Variants in NCAM2 observed in about 807,000 individuals in gnomAD.
NCAM2 encodes neural cell adhesion molecule 2.
In NCAM2, 30 loss-of-function variants were observed where a neutral mutation model predicts 98.1. That is an observed-to-expected ratio of 0.31 (90% confidence interval 0.23 to 0.41). NCAM2 has a LOEUF of 0.41. Ranked by LOEUF, NCAM2 falls within the 10% of genes least tolerant of loss-of-function variation. The pLI is 1.00. For synonymous variants in NCAM2, 368 were observed against 342.4 expected (o/e 1.07, Z -0.83); for missense variants, 867 against 1,005.8 (o/e 0.86, Z 1.87).
intron 8 of NCAM2, among the ~76,000 whole-genome samples, chr21:21,341,989 G>T (rs2075054773): frequency 6.6e-6 from 1 of 152,088 alleles, no homozygotes; most frequent in Non-Finnish European, 1.5e-5. Flanking sequence ...GTTAGGAAGT[G>T]TATTTAATTT....
chr21:21,369,896 A>G (rs2075875737), intron 8 of NCAM2, among the ~76,000 whole-genome samples: 1 of 151,034 alleles, frequency 6.6e-6, no homozygotes, highest in Admixed American at 6.6e-5. Flanking sequence ...CACAGTTACC[A>G]TTTTTTTCCT....
intron 5 of NCAM2, among the ~76,000 whole-genome samples, chr21:21,310,526 A>G (rs916704197): frequency 4.6e-5 from 7 of 152,190 alleles, no homozygotes; most frequent in Non-Finnish European, 1.0e-4. Context: ...AGGCAGAATT[A>G]AAAATGTTTT....
At chr21:21,317,767 T>C (rs997669721) in intron 5 of NCAM2, among the ~76,000 whole-genome samples, 19 of 152,232 alleles carry the variant, frequency 1.2e-4, no homozygotes, top group Non-Finnish European at 2.1e-4. Context: ...TCTCCTGGGC[T>C]CAGGTGATTC....
chr21:21,241,378 G>T (rs904732075), intron 1 of NCAM2, among the ~76,000 whole-genome samples: 5 of 151,816 alleles, frequency 3.3e-5, no homozygotes, highest in Non-Finnish European at 7.4e-5. Flanking sequence ...ATATAGGCTG[G>T]GTCTTTTTAC....
intron 1 of NCAM2, among the ~76,000 whole-genome samples, chr21:21,141,808 C>T (rs1158651822): frequency 1.3e-5 from 2 of 152,164 alleles, no homozygotes; most frequent in African/African-American, 4.8e-5. Flanking sequence ...AGGAATCAGG[C>T]ATTTGTCTGA....
chr21:21,259,306 T>G (rs2071800832), intron 1 of NCAM2, among the ~76,000 whole-genome samples: 1 of 152,168 alleles, frequency 6.6e-6, no homozygotes, highest in Non-Finnish European at 1.5e-5. Context: ...GAGGGGCATA[T>G]TCATGGTCCA....
chr21:21,425,021 A>G (rs951496946), intron 11 of NCAM2, among the ~76,000 whole-genome samples: 4 of 134,858 alleles, frequency 3.0e-5, no homozygotes, highest in African/African-American at 1.1e-4. Flanking sequence ...GGGCGACAAA[A>G]GCGGGACTCT....
At chr21:21,452,110 T>TA (rs200669987) in intron 12 of NCAM2, among the ~76,000 whole-genome samples, 1,444 of 133,142 alleles carry the variant, frequency 0.011, 17 homozygotes, top group African/African-American at 0.043. Flanking sequence ...CTTTATCTCT[T>TA]ATGTTATGTA....
At chr21:21,411,110 A>ATGTGTATATATATACATATATATG (rs373718170) in intron 10 of NCAM2, among the ~76,000 whole-genome samples, 62 of 26,958 alleles carry the variant, frequency 2.3e-3, no homozygotes, top group Admixed American at 3.6e-3. Context: ...ATACATATAT[A>ATGTGTATATATATACATATATATG]TGTATATATA....
At chr21:21,387,353 G>A (rs78645499) in intron 9 of NCAM2, among the ~76,000 whole-genome samples, 12,573 of 152,096 alleles carry the variant, frequency 0.083, 936 homozygotes, top group East Asian at 0.32. Flanking sequence ...TTGAGGGTTA[G>A]GAATTTAACA....
At chr21:21,421,987 T>A (rs2077120330) in intron 11 of NCAM2, among the ~76,000 whole-genome samples, 1 of 152,108 alleles carries the variant, frequency 6.6e-6, no homozygotes, top group Non-Finnish European at 1.5e-5. Context: ...TAGCCCTACA[T>A]CGGAATGAGG....
intron 1 of NCAM2, among the ~76,000 whole-genome samples, chr21:21,274,654 AATACTCTGAG>A (rs2072656093): frequency 6.6e-6 from 1 of 152,190 alleles, no homozygotes; most frequent in African/African-American, 2.4e-5. Flanking sequence ...TTTAAGGAGT[AATACTCTGAG>A]ATTTTCTATA....
At chr21:21,248,200 T>G (rs949202414) in intron 1 of NCAM2, among the ~76,000 whole-genome samples, 3 of 152,186 alleles carry the variant, frequency 2.0e-5, no homozygotes, top group Non-Finnish European at 1.5e-5. Flanking sequence ...AAAAGTCCAA[T>G]TGACTTGTTT....
At chr21:21,089,681 C>A (rs1006885736) in intron 1 of NCAM2, among the ~76,000 whole-genome samples, 1 of 152,170 alleles carries the variant, frequency 6.6e-6, no homozygotes, top group Non-Finnish European at 1.5e-5. Flanking sequence ...GATTGTGCCA[C>A]CTGCCCCTCC....
intron 8 of NCAM2, among the ~76,000 whole-genome samples, chr21:21,361,582 C>T (rs752895941): frequency 2.0e-5 from 3 of 152,016 alleles, no homozygotes; most frequent in Non-Finnish European, 4.4e-5. Flanking sequence ...TCTAATGATG[C>T]TGAGTCCTTG....
intron 1 of NCAM2, among the ~76,000 whole-genome samples, chr21:21,204,367 G>A (rs2155800): frequency 0.35 from 53,784 of 151,704 alleles, 10,032 homozygotes; most frequent in Non-Finnish European, 0.43. Context: ...TGAGATTTTC[G>A]GTAGCTTTCT....
chr21:21,260,116 C>A (rs2071837340), intron 1 of NCAM2, among the ~76,000 whole-genome samples: 1 of 151,182 alleles, frequency 6.6e-6, no homozygotes, highest in African/African-American at 2.4e-5. Context: ...GATTGAAGAG[C>A]AATTTTACAA....
rs374280579 is a variant in NCAM2, at chr21:21,057,371, A to T, written c.55+58753A>T. The stretch of plus-strand genomic sequence containing the variant: ...CAGTTATATATTTTGCTTTCACAGC[A>T]TGAGATTATTTTTAATTTGAATTGG... On this transcript the variant is annotated intron_variant, in intron 1 of 17. Transcript: ENST00000400546. Among the ~76,000 whole-genome samples the T allele has an allele frequency of 2.6e-5, 4 of 152,252 alleles. 1 individual carries two copies. The South Asian group carries it at 8.3e-4, about 31-fold the overall frequency.
intron 1 of NCAM2, among the ~76,000 whole-genome samples, chr21:21,210,367 C>T (rs1359678821): frequency 1.3e-5 from 2 of 152,170 alleles, no homozygotes; most frequent in South Asian, 4.1e-4. Flanking sequence ...ACACTTTAAT[C>T]ACCTAGATTC....
Sources: gnomAD v4.1 joint callset for allele counts (sites outside exome capture counted in the v4.1 genomes callset) on GRCh38, gnomAD v4.1.1 for gene constraint, MANE v1.5 for transcripts, NCBI Gene and HGNC (gene_info 2026-07-23, HGNC 2026-07-21) for gene names.